IFT172: variants seen among roughly 807,000 people sequenced by gnomAD.
The protein encoded by IFT172 is intraflagellar transport protein 172 homolog.
Under a neutral mutation model 248.9 loss-of-function variants are expected in IFT172, and 164 were observed. The ratio of observed to expected loss-of-function variants is 0.66; its 90% CI spans 0.58 to 0.75. IFT172 has a LOEUF of 0.75. Among genes scored for constraint, IFT172 ranks in the 30% least tolerant of loss-of-function variants. The probability of loss-of-function intolerance (pLI) is 0.00; values close to 1 mark genes in which losing one functional copy is unlikely to be tolerated. For missense variants in IFT172, 1,950 were observed against 2,192.4 expected, an observed-to-expected ratio of 0.89 and a Z score of 2.21; for synonymous variants, 729 against 791.6, an observed-to-expected ratio of 0.92 and a Z score of 1.33.
Position 27,483,885 on chromosome 2 carries a change from A to G in IFT172, c.389T>C (p.Leu130Pro). Residue 130 changes from leucine to proline, a missense_variant, in exon 5 of 48, where the codon CTG (leucine) becomes CCG (proline). Around this residue, in one of 3 missense-constraint regions of IFT172, gnomAD observed 1,166 missense variants for 1,254.1 expected, o/e 0.93. Coordinates refer to ENST00000260570, the MANE Select transcript of IFT172 (RefSeq NM_015662.3). ...WPAEYIIVFG[L>P]AEGKVRLANT... ...TCCCTCTTTTACCTTCCCTTCAGCC[A>G]GTCCAAAGACAATGATGTATTCTGC... The G allele has an allele frequency of 6.2e-7, 1 of 1,613,592 alleles. No individual in the cohort carries two copies. Among genetic ancestry groups the G allele is most frequent in the South Asian group, 1.1e-5 (1 of 91,058 alleles).
At chr2:27,465,011 T>C (rs1666982849) in intron 18 of IFT172, among the ~76,000 whole-genome samples, 1 of 151,306 alleles carries the variant, frequency 6.6e-6, no homozygotes, top group African/African-American at 2.4e-5. Flanking sequence ...AACCTCTGCC[T>C]CCTGGGTTCA....
chr2:27,455,940 G>GC, intron 30 of IFT172: 1 of 283,338 alleles, frequency 3.5e-6, no homozygotes. Context: ...TCGGCCAGGC[G>GC]CAGTGGCTCA....
At chr2:27,484,351 G>A in intron 3 of IFT172, 85 bp from the exon 4 acceptor site, 1 of 1,428,792 alleles carries the variant, frequency 7.0e-7, no homozygotes, top group South Asian at 1.1e-5. Flanking sequence ...CAGCACTTTG[G>A]GAGGCCGAGG....
intron 25 of IFT172, 137 bp from the exon 26 acceptor site, chr2:27,459,005 G>T: frequency 1.2e-6 from 1 of 833,740 alleles, no homozygotes; most frequent in Non-Finnish European, 1.8e-6. Context: ...GAAAAGATGA[G>T]TATGGGTGTC....
At chr2:27,461,713 G>A in intron 21 of IFT172, 46 bp downstream of exon 21, 1 of 1,610,748 alleles carries the variant, frequency 6.2e-7, no homozygotes, top group Non-Finnish European at 8.5e-7. Context: ...TTTTGAAATT[G>A]GCAGAACCAA....
chr2:27,455,833 G>A, intron 30 of IFT172: 1 of 466,346 alleles, frequency 2.1e-6, no homozygotes, highest in Non-Finnish European at 4.0e-6. Flanking sequence ...GCAACATATA[G>A]GAGGGAAAAT....
chr2:27,480,049 G>A lies in IFT172; in HGVS notation c.886C>T (p.Arg296Trp), dbSNP rs145541911. ...LYTITALAWK[R>W]DGSRLCVGTL... ...ACCACACAGAGCCGTGAGCCATCCC[G>A]CTTCCAGGCCAAGGCAGTGATGGTG... Residue 296 changes from arginine (R) to tryptophan (W), a missense_variant, in exon 9 of 48, where the codon CGG becomes TGG. Arg to Trp is a moderately radical substitution (Grantham distance 101, BLOSUM62 -3). This residue lies in a region of IFT172 where 1,166 missense variants were observed against 1,254.1 expected (regional missense o/e 0.93). Coordinates refer to ENST00000260570, the MANE Select transcript of IFT172 (RefSeq NM_015662.3). The A allele has an allele frequency of 6.2e-5, 100 of 1,613,890 alleles. No homozygotes were observed. The African/African-American group carries it at 1.0e-3, about 17-fold the overall frequency.
At chr2:27,477,718 C>T (rs1668072758) in intron 11 of IFT172, 106 bp from the exon 12 acceptor site, 1 of 886,642 alleles carries the variant, frequency 1.1e-6, no homozygotes, top group Admixed American at 1.8e-5. Flanking sequence ...TTTATGTAGG[C>T]TTTGGCACTA....
chr2:27,483,510 C>T, intron 6 of IFT172, 70 bp downstream of exon 6: 1 of 1,528,130 alleles, frequency 6.5e-7, no homozygotes, highest in Non-Finnish European at 9.1e-7. Context: ...TATGGTCTTG[C>T]AGTCCAGACT....
At chr2:27,480,956 G>T (rs2148549655) in intron 8 of IFT172, 90 bp downstream of exon 8, 1 of 967,976 alleles carries the variant, frequency 1.0e-6, no homozygotes, top group Non-Finnish European at 1.6e-6. Flanking sequence ...TTCTGCTCCA[G>T]TCTCGCACTC....
At position 27,485,522 on chromosome 2, in the gene IFT172, A is replaced by G; in HGVS notation, c.40-19T>C. The G allele has an allele frequency of 6.2e-7, 1 of 1,613,842 alleles. No individual in the cohort carries two copies. The highest frequency in any genetic ancestry group is 8.5e-7 in the Non-Finnish European group (1 of 1,179,800). On this transcript the variant is annotated intron_variant, in intron 1 of 47. Transcript: ENST00000260570. Reference sequence around the variant, plus strand: ...CTCCATCCTGTAGAGGCAAAGGGGTAAAAACAAACCCATGTGCTGGTCTAG... The same window carrying G: ...CTCCATCCTGTAGAGGCAAAGGGGTGAAAACAAACCCATGTGCTGGTCTAG...
Position 27,485,082 on chromosome 2 carries a change from A to T in IFT172, c.232T>A (p.Ser78Thr). Residue 78 changes from serine to threonine, a missense_variant, in exon 3 of 48, where the codon TCC (serine) becomes ACC (threonine). By Grantham distance (58) the Ser-to-Thr change is moderately conservative. Transcript: ENST00000260570. ...GTCTGTCCTATGGCAATTTTAGTGGAATCAGGAGAAAAAGCCATGCCCTTC... is the reference window on the plus strand; with the variant it reads ...GTCTGTCCTATGGCAATTTTAGTGGTATCAGGAGAAAAAGCCATGCCCTTC... ...MVKGMAFSPDSTKIAIGQTDN... is the reference protein window; with the variant it reads ...MVKGMAFSPDTTKIAIGQTDN... 6.2e-7 allele frequency: 1 copy of T among 1,611,616 alleles called. No homozygotes were observed. Among genetic ancestry groups the T allele is most frequent in the Non-Finnish European group, 8.5e-7 (1 of 1,177,764 alleles).
chr2:27,445,098 G>A lies in IFT172; in HGVS notation c.5076C>T (p.Pro1692=), dbSNP rs1664935170. 6.2e-7 allele frequency: 1 copy of A among 1,614,058 alleles called. No homozygotes were observed. The highest frequency in any genetic ancestry group is 8.5e-7 in the Non-Finnish European group (1 of 1,179,986). Reference sequence around the variant, plus strand: ...TAAATTCAATTTTGTTCCTCAGAATGGGGTATCCTGTGGAGGAAGAAAAAA... The same window carrying A: ...TAAATTCAATTTTGTTCCTCAGAATAGGGTATCCTGTGGAGGAAGAAAAAA... ...RALPCLITGY[P]ILRNKIEFKR... is the part of the protein sequence containing the mutation. Residue 1692 remains proline, a synonymous_variant, in exon 47 of 48, where the codon CCC becomes CCT. Coordinates refer to ENST00000260570, the MANE Select transcript of IFT172 (RefSeq NM_015662.3). The surrounding 1 kb of genome is among the most constrained non-coding windows in gnomAD (Gnocchi z 4.4).
In IFT172 at chr2:27,483,934, C is replaced by T. The variant is rs2148556996; in HGVS notation, c.340G>A (p.Ala114Thr). Residue 114 changes from alanine (A) to threonine (T), a missense_variant, in exon 5 of 48, where the codon GCT becomes ACT. By Grantham distance (58) the Ala-to-Thr change is moderately conservative. This residue lies in a region of IFT172 where 1,166 missense variants were observed against 1,254.1 expected (regional missense o/e 0.93). Coordinates refer to ENST00000260570, the MANE Select transcript of IFT172 (RefSeq NM_015662.3). ...VICNKFIQTS[A>T]VTCLQWPAEY... ...GCCGGCCATTGCAGACAAGTGACAGCACTCTGCGTGGAAGGAAACAATGAA... is the reference window on the plus strand; with the variant it reads ...GCCGGCCATTGCAGACAAGTGACAGTACTCTGCGTGGAAGGAAACAATGAA... 6.2e-7 allele frequency: 1 copy of T among 1,613,504 alleles called. No individual in the cohort carries two copies. Among genetic ancestry groups the T allele is most frequent in the Non-Finnish European group, 8.5e-7 (1 of 1,179,470 alleles).
intron 13 of IFT172, 79 bp from the exon 14 acceptor site, chr2:27,476,805 G>C: frequency 1.3e-6 from 1 of 795,540 alleles, no homozygotes; most frequent in Non-Finnish European, 2.2e-6. Flanking sequence ...AGTACCATAT[G>C]GGATGAAGCT....
rs76787560 is a variant in IFT172, at chr2:27,456,525, G to A, written c.3357C>T (p.His1119=). 752 of 1,613,688 alleles carry A rather than the reference G, an allele frequency of 4.7e-4. 3 individuals carry two copies. The African/African-American group carries it at 7.6e-3, about 16-fold the overall frequency. ...TGGGGCCTCACCAATTGTCTGCAGC[G>A]TGGTCAACAGCAGCTTCCAGGAGTC... ...KLGLLEAAVD[H]AADNCSFEFA... is the part of the protein sequence containing the mutation. The change falls in exon 30 of 48, where the codon CAC becomes CAT. Residue 1119 remains histidine (H), a synonymous_variant. Coordinates refer to ENST00000260570, the MANE Select transcript of IFT172 (RefSeq NM_015662.3).
chr2:27,458,438 C>T (rs1666354769), intron 26 of IFT172, among the ~76,000 whole-genome samples: 1 of 152,168 alleles, frequency 6.6e-6, no homozygotes, highest in Admixed American at 6.5e-5. Context: ...GATGCCTTGG[C>T]TGGGGCATAC....
intron 7 of IFT172, among the ~76,000 whole-genome samples, chr2:27,481,697 T>C (rs887656629): frequency 7.9e-5 from 12 of 151,862 alleles, no homozygotes; most frequent in African/African-American, 2.7e-4. Flanking sequence ...TGTGCCACCA[T>C]ACCAGGCTAA....
In IFT172 at chr2:27,485,052, T is replaced by C; in HGVS notation, c.262A>G (p.Asn88Asp). Residue 88 changes from asparagine to aspartate, a missense_variant, in exon 3 of 48, where the codon AAC becomes GAC. Physicochemically the swap from Asn to Asp is conservative, Grantham distance 23 (BLOSUM62 1). Coordinates refer to ENST00000260570, the MANE Select transcript of IFT172 (RefSeq NM_015662.3). ...STKIAIGQTD[N>D]IIYVYKIGED... ...CCAATCTTGTAGACATAGATGATGT[T>C]GTCAGTCTGTCCTATGGCAATTTTA... The C allele has an allele frequency of 6.2e-7, 1 of 1,604,136 alleles. No individual in the cohort carries two copies. Among genetic ancestry groups the C allele is most frequent in the South Asian group, 1.1e-5 (1 of 90,870 alleles).
Sources: allele counts gnomAD v4.1 joint callset (sites outside exome capture counted in the v4.1 genomes callset), GRCh38; gene constraint gnomAD v4.1.1; regional missense constraint gnomAD v4.1.1; non-coding constraint Gnocchi (gnomAD v3.1); transcripts MANE v1.5; gene names NCBI Gene and HGNC (gene_info 2026-07-23, HGNC 2026-07-21).